TPO: variants seen among roughly 807,000 people sequenced by gnomAD.
The protein encoded by TPO is thyroid peroxidase.
Under a neutral mutation model 96.9 loss-of-function variants are expected in TPO, and 78 were observed. That is an observed-to-expected ratio of 0.81 (90% CI 0.67 to 0.97). The LOEUF is 0.97. Ranked by LOEUF, TPO falls within the 50% of genes least tolerant of loss-of-function variation. The pLI, the probability that TPO is intolerant of heterozygous loss-of-function variation, is 0.00. For missense variants in TPO, 1,252 were observed against 1,274.8 expected (o/e 0.98, Z 0.27); for synonymous variants, 547 against 538.0 (o/e 1.02, Z -0.23).
intron 13 of TPO, among the ~76,000 whole-genome samples, chr2:1,502,599 A>G (rs562017405): frequency 6.6e-6 from 1 of 152,232 alleles, no homozygotes; most frequent in East Asian, 1.9e-4. Context: ...CATGTTGGCC[A>G]GGCTGGGCTC....
chr2:1,480,124 T>C (rs989911212), intron 8 of TPO, among the ~76,000 whole-genome samples: 2 of 152,186 alleles, frequency 1.3e-5, no homozygotes, highest in African/African-American at 4.8e-5. Flanking sequence ...CAGCAACCAA[T>C]AGGAAAAGTG....
chr2:1,399,786 C>T (rs1662136458), intron 1 of TPO, among the ~76,000 whole-genome samples: 1 of 152,224 alleles, frequency 6.6e-6, no homozygotes, highest in South Asian at 2.1e-4. Context: ...CTGAAGGACA[C>T]CTGTCTTCAC....
intron 1 of TPO, among the ~76,000 whole-genome samples, chr2:1,397,027 C>G (rs773420921): frequency 1.3e-4 from 20 of 152,156 alleles, no homozygotes; most frequent in Non-Finnish European, 2.9e-4. Flanking sequence ...GTTCCAGACC[C>G]TGTACTCACT....
intron 1 of TPO, among the ~76,000 whole-genome samples, 198 bp from the exon 2 acceptor site, chr2:1,414,210 C>T (rs111779482): frequency 2.0e-5 from 3 of 152,144 alleles, no homozygotes; most frequent in Non-Finnish European, 2.9e-5. Context: ...GCCTGCTCAG[C>T]GCTGCAGTTT....
At chr2:1,418,595 C>T (rs560443142) in intron 2 of TPO, among the ~76,000 whole-genome samples, 3 of 152,312 alleles carry the variant, frequency 2.0e-5, no homozygotes, top group Admixed American at 6.5e-5. Flanking sequence ...CCTCCTCTAA[C>T]GCCCTGAACA....
At chr2:1,527,801 C>CACTGTATGCAACCTCCTCAAATCCCCAT (rs1676938673) in intron 15 of TPO, among the ~76,000 whole-genome samples, 1 of 116,532 alleles carries the variant, frequency 8.6e-6, no homozygotes, top group Non-Finnish European at 1.8e-5. Flanking sequence ...AAATCCCACA[C>CACTGTATGCAACCTCCTCAAATCCCCAT]ACTGTATGCA....
At chr2:1,439,759 A>G (rs1182476293) in intron 5 of TPO, among the ~76,000 whole-genome samples, 1 of 151,926 alleles carries the variant, frequency 6.6e-6, no homozygotes, top group African/African-American at 2.4e-5. Flanking sequence ...AGACCCTCTG[A>G]TGCCCCACTG....
chr2:1,392,175 T>G (rs1662011448), intron 1 of TPO, among the ~76,000 whole-genome samples: 1 of 152,194 alleles, frequency 6.6e-6, no homozygotes, highest in South Asian at 2.1e-4. Flanking sequence ...TGAGATACAT[T>G]CCATCAATAC....
intron 1 of TPO, among the ~76,000 whole-genome samples, chr2:1,382,319 G>A (rs1225935136): frequency 6.6e-6 from 1 of 152,124 alleles, no homozygotes; most frequent in South Asian, 2.1e-4. Context: ...TTTCCAAGAG[G>A]TGATTCAAGA....
At chr2:1,483,984 TTTGGA>T (rs1670881236) in intron 8 of TPO, among the ~76,000 whole-genome samples, 1 of 152,246 alleles carries the variant, frequency 6.6e-6, no homozygotes, top group Non-Finnish European at 1.5e-5. Flanking sequence ...TTATGCTTCA[TTTGGA>T]TGCAGTTTAT....
chr2:1,413,146 G>T (rs879792790), upstream of TPO, among the ~76,000 whole-genome samples: 1 of 152,178 alleles, frequency 6.6e-6, no homozygotes, highest in African/African-American at 2.4e-5. Context: ...TTTTCACAGG[G>T]TATTTAACTG....
intron 3 of TPO, among the ~76,000 whole-genome samples, chr2:1,431,926 A>G (rs17091666): frequency 0.021 from 3,183 of 152,252 alleles, 93 homozygotes; most frequent in East Asian, 0.12. Flanking sequence ...CCAGCTCTGT[A>G]GTTCTGTCTG....
chr2:1,426,223 C>A (rs1407645401), intron 3 of TPO, among the ~76,000 whole-genome samples: 1 of 147,162 alleles, frequency 6.8e-6, no homozygotes, highest in Non-Finnish European at 1.5e-5. Context: ...AGTCATTGTT[C>A]TAGATGCCGG....
At chr2:1,437,193 G>A (rs983954820) in intron 5 of TPO, among the ~76,000 whole-genome samples, 1 of 152,222 alleles carries the variant, frequency 6.6e-6, no homozygotes, top group Admixed American at 6.5e-5. Flanking sequence ...AGCAAGATGC[G>A]TTTGGGCTGA....
chr2:1,508,009 T>C (rs1346223516), intron 14 of TPO, among the ~76,000 whole-genome samples: 2 of 152,168 alleles, frequency 1.3e-5, no homozygotes, highest in East Asian at 1.9e-4. Context: ...CAGTATGATG[T>C]TGGCTGTGGG....
At chr2:1,408,247 A>G (rs1242875346) in intron 1 of TPO, among the ~76,000 whole-genome samples, 1 of 152,208 alleles carries the variant, frequency 6.6e-6, no homozygotes, top group East Asian at 1.9e-4. Flanking sequence ...GGATGCATGT[A>G]ACTAGTTAGA....
At chr2:1,537,619 CCCGCTGTGTGCAACA>C in intron 15 of TPO, among the ~76,000 whole-genome samples, 2 of 123,480 alleles carry the variant, frequency 1.6e-5, no homozygotes, top group Non-Finnish European at 1.7e-5. Flanking sequence ...CTCAAATCAC[CCCGCTGTGTGCAACA>C]TCCCCAGATC....
chr2:1,460,391 CA>C (rs59744409), intron 7 of TPO, among the ~76,000 whole-genome samples: 1 of 152,134 alleles, frequency 6.6e-6, no homozygotes, highest in East Asian at 1.9e-4. Context: ...AGAATCTGTG[CA>C]AAAAAATGAC....
intron 8 of TPO, among the ~76,000 whole-genome samples, chr2:1,483,877 C>T (rs1316457498): frequency 6.6e-6 from 1 of 152,230 alleles, no homozygotes; most frequent in Non-Finnish European, 1.5e-5. Context: ...AAACATATTA[C>T]AAGTGTGTAA....
Sources: gnomAD v4.1 joint callset for allele counts (sites outside exome capture counted in the v4.1 genomes callset) on GRCh38, gnomAD v4.1.1 for gene constraint, MANE v1.5 for transcripts, NCBI Gene and HGNC (gene_info 2026-07-23, HGNC 2026-07-21) for gene names.